DLG2: variants seen among roughly 807,000 people sequenced by gnomAD.
DLG2 encodes disks large homolog 2.
Under a neutral mutation model 132.5 loss-of-function variants are expected in DLG2, and 45 were observed. The ratio of observed to expected loss-of-function variants is 0.34; its 90% confidence interval spans 0.27 to 0.44. DLG2 has a LOEUF of 0.44. DLG2 is among the 20% of genes least tolerant of loss of function. The pLI, the probability that DLG2 is intolerant of heterozygous loss-of-function variation, is 1.00. For missense variants in DLG2, 1,045 were observed against 1,196.9 expected, an observed-to-expected ratio of 0.87 and a Z score of 1.87; for synonymous variants, 424 against 419.6, an observed-to-expected ratio of 1.01 and a Z score of -0.13.
chr11:83,456,541 A>G lies in DLG2; in HGVS notation c.*3277T>C, dbSNP rs1207883542. The G allele has an allele frequency of 2.6e-5, 4 of 152,640 alleles. No individual in the cohort carries two copies. Among genetic ancestry groups the G allele is most frequent in the African/African-American group, 9.7e-5 (4 of 41,422 alleles). 9.5% of individuals were successfully genotyped at this position (152,640 alleles called of 1,614,324 possible). On this transcript the variant is annotated 3_prime_UTR_variant, in exon 28 of 28. Coordinates refer to ENST00000376104, the MANE Select transcript of DLG2 (RefSeq NM_001142699.3). ...CAGAAGAGGAATAAGAAGGGCAGAG[A>G]AACAGAGACTAAAGGAGAGGTGGAC...
chr11:84,594,870 A>G (rs1162450199), intron 6 of DLG2, among the ~76,000 whole-genome samples: 4 of 152,186 alleles, frequency 2.6e-5, no homozygotes, highest in African/African-American at 9.7e-5. Flanking sequence ...AGCCTGAAAC[A>G]TCATGTGATC....
intron 19 of DLG2, among the ~76,000 whole-genome samples, chr11:83,544,899 C>T (rs1034004050): frequency 6.6e-6 from 1 of 152,094 alleles, no homozygotes; most frequent in African/African-American, 2.4e-5. Flanking sequence ...CACTTGTTGC[C>T]CTCTGGCCAT....
At chr11:83,636,086 T>C (rs1272743450) in intron 18 of DLG2, among the ~76,000 whole-genome samples, 1 of 152,116 alleles carries the variant, frequency 6.6e-6, no homozygotes, top group Non-Finnish European at 1.5e-5. Flanking sequence ...ACACTCTCCT[T>C]TATACCTTTG....
At chr11:84,107,627 T>C (rs1199986715) in intron 9 of DLG2, among the ~76,000 whole-genome samples, 1 of 151,932 alleles carries the variant, frequency 6.6e-6, no homozygotes, top group African/African-American at 2.4e-5. Flanking sequence ...AACTCAGCCA[T>C]GGGTAGGGGG....
chr11:83,951,228 A>G (rs1412097378), intron 14 of DLG2, among the ~76,000 whole-genome samples: 4 of 152,114 alleles, frequency 2.6e-5, no homozygotes, highest in Admixed American at 6.6e-5. Flanking sequence ...AGTTCTGTAA[A>G]TGTTCATTAA....
At chr11:85,137,101 T>C (rs1645929232) in intron 5 of DLG2, among the ~76,000 whole-genome samples, 1 of 152,052 alleles carries the variant, frequency 6.6e-6, no homozygotes, top group Admixed American at 6.6e-5. Context: ...TCCAGTCTGA[T>C]GTAAGAAGGT....
At chr11:85,570,906 C>T (rs1225349750) in intron 3 of DLG2, among the ~76,000 whole-genome samples, 1 of 151,952 alleles carries the variant, frequency 6.6e-6, no homozygotes, top group Non-Finnish European at 1.5e-5. Flanking sequence ...TTCAGTAAAT[C>T]TTTCGATTAT....
chr11:83,735,123 T>C (rs1279801247), intron 18 of DLG2, among the ~76,000 whole-genome samples: 13 of 152,122 alleles, frequency 8.5e-5, no homozygotes, highest in Admixed American at 8.5e-4. Context: ...GATATTAATA[T>C]TGGCCGATTA....
intron 6 of DLG2, among the ~76,000 whole-genome samples, chr11:84,584,854 A>G: frequency 6.6e-6 from 1 of 150,762 alleles, no homozygotes; most frequent in African/African-American, 2.4e-5. Context: ...ACACCCGGCT[A>G]ATTTTTTGTA....
intron 9 of DLG2, among the ~76,000 whole-genome samples, chr11:84,160,010 C>T (rs954019245): frequency 3.3e-5 from 5 of 152,108 alleles, no homozygotes; most frequent in African/African-American, 4.8e-5. Context: ...TACTTTGGCC[C>T]TGAGAAGAGG....
intron 4 of DLG2, among the ~76,000 whole-genome samples, chr11:85,155,970 G>T (rs774790851): frequency 2.0e-5 from 3 of 152,038 alleles, no homozygotes; most frequent in African/African-American, 7.2e-5. Flanking sequence ...CTCTCCTCTG[G>T]CTGGGAGAAC....
intron 14 of DLG2, among the ~76,000 whole-genome samples, chr11:83,950,513 G>A (rs1195350895): frequency 6.6e-6 from 1 of 152,188 alleles, no homozygotes; most frequent in Non-Finnish European, 1.5e-5. Context: ...AGAATAGCTT[G>A]AATGCGAGAG....
At chr11:84,470,974 C>G (rs1337583227) in intron 7 of DLG2, among the ~76,000 whole-genome samples, 1 of 151,730 alleles carries the variant, frequency 6.6e-6, no homozygotes, top group Non-Finnish European at 1.5e-5. Context: ...AGGGAGCCCT[C>G]CCTATTTTTC....
chr11:84,025,539 C>T (rs1158624001), intron 11 of DLG2, among the ~76,000 whole-genome samples: 1 of 152,102 alleles, frequency 6.6e-6, no homozygotes, highest in Non-Finnish European at 1.5e-5. Flanking sequence ...GAAATACTCA[C>T]TAATAAATGT....
At chr11:84,793,529 G>T (rs1169469329) in intron 6 of DLG2, among the ~76,000 whole-genome samples, 2 of 152,090 alleles carry the variant, frequency 1.3e-5, no homozygotes, top group Non-Finnish European at 2.9e-5. Flanking sequence ...TTGTACTGAG[G>T]TCTATCTCTT....
chr11:83,521,145 T>G (rs1451724301), intron 21 of DLG2, among the ~76,000 whole-genome samples: 3 of 152,188 alleles, frequency 2.0e-5, no homozygotes, highest in African/African-American at 7.2e-5. Context: ...AAATAAATAT[T>G]CATGGACCTC....
intron 19 of DLG2, among the ~76,000 whole-genome samples, chr11:83,565,907 T>G (rs937025349): frequency 6.6e-6 from 1 of 152,008 alleles, no homozygotes; most frequent in Non-Finnish European, 1.5e-5. Context: ...TCCAGAAGAG[T>G]GTACCTGTTT....
chr11:84,576,089 T>C (rs1226319962), intron 6 of DLG2, among the ~76,000 whole-genome samples: 1 of 152,226 alleles, frequency 6.6e-6, no homozygotes, highest in Non-Finnish European at 1.5e-5. Flanking sequence ...AAAGGTCTAC[T>C]CTAGTCACTC....
At chr11:84,671,779 G>A (rs1458840995) in intron 6 of DLG2, among the ~76,000 whole-genome samples, 1 of 152,108 alleles carries the variant, frequency 6.6e-6, no homozygotes, top group East Asian at 1.9e-4. Context: ...ATTCGTCTGA[G>A]TCAGTCACTA....
Sources: gnomAD v4.1 joint callset for allele counts (sites outside exome capture counted in the v4.1 genomes callset) on GRCh38, gnomAD v4.1.1 for gene constraint, MANE v1.5 for transcripts, NCBI Gene and HGNC (gene_info 2026-07-23, HGNC 2026-07-21) for gene names.